Variants in ASPHD2 observed in about 807,000 individuals in gnomAD.
ASPHD2 encodes aspartate beta-hydroxylase domain containing 2.
A neutral mutation model predicts 34.6 loss-of-function variants in ASPHD2; 12 were observed. That is an observed-to-expected ratio of 0.35 (90% confidence interval 0.22 to 0.56). The LOEUF (loss-of-function observed/expected upper bound fraction) is 0.56. ASPHD2 is among the 20% of genes least tolerant of loss of function. The probability of loss-of-function intolerance (pLI) is 0.87; values close to 1 mark genes in which losing one functional copy is unlikely to be tolerated. For synonymous variants in ASPHD2, 224 were observed against 212.2 expected, an observed-to-expected ratio of 1.06 and a Z score of -0.48; for missense variants, 375 against 505.0, an observed-to-expected ratio of 0.74 and a Z score of 2.47.
chr22:26,441,119 T>C (rs1279225195), intron 2 of ASPHD2, among the ~76,000 whole-genome samples: 1 of 152,208 alleles, frequency 6.6e-6, no homozygotes, highest in Admixed American at 6.5e-5. Context: ...GCCAGCAGAT[T>C]TGGCGTCTGG....
At chr22:26,442,184 G>A (rs1162363688) in intron 2 of ASPHD2, among the ~76,000 whole-genome samples, 6 of 123,912 alleles carry the variant, frequency 4.8e-5, no homozygotes, top group African/African-American at 1.2e-4. Flanking sequence ...TGTTTTATAA[G>A]GATGCTGCTC....
At chr22:26,436,202 C>T (rs368414546) in intron 2 of ASPHD2, among the ~76,000 whole-genome samples, 4 of 152,358 alleles carry the variant, frequency 2.6e-5, no homozygotes, top group Non-Finnish European at 5.9e-5. Context: ...TTGGGCAGGG[C>T]TCTGAACCTC....
intron 2 of ASPHD2, among the ~76,000 whole-genome samples, chr22:26,439,590 T>C (rs2084823460): frequency 6.6e-6 from 1 of 152,166 alleles, no homozygotes; most frequent in Non-Finnish European, 1.5e-5. Context: ...AGTTACCCCA[T>C]CTGGAAAGTG....
In ASPHD2 at chr22:26,433,607, C is replaced by T. The variant is rs774340107; in HGVS notation, c.-9C>T. ...CCCCAGCCGCTCCTTCCCCCCCACG[C>T]TAATCTGCATGGTGTGGGCGCCCTT... is the stretch of plus-strand genomic sequence containing the variant. On this transcript the variant is annotated 5_prime_UTR_variant, in exon 2 of 4. Transcript: ENST00000215906. This position sits in a 1 kb window ranked among gnomAD's most constrained non-coding sequence, Gnocchi z 5.1. 4.3e-6 allele frequency: 7 copies of T among 1,609,456 alleles called. No individual in the cohort carries two copies. In the South Asian group the frequency reaches 5.5e-5, roughly 13 times the overall value.
At chr22:26,436,558 T>C (rs1010653867) in intron 2 of ASPHD2, among the ~76,000 whole-genome samples, 5 of 152,050 alleles carry the variant, frequency 3.3e-5, no homozygotes, top group African/African-American at 1.2e-4. Context: ...AGGCCAGTAG[T>C]GTGGGCTGAG....
chr22:26,434,075 C>G lies in ASPHD2; in HGVS notation c.460C>G (p.Arg154Gly). Reference protein sequence around the residue: ...RIHKGIREQGRYLNSRPSIQK... With the variant: ...RIHKGIREQGGYLNSRPSIQK... ...CCACAAGGGCATCCGCGAGCAGGGC[C>G]GGTACCTCAACAGCCGGCCCTCCAT... Residue 154 changes from arginine (R) to glycine (G), a missense_variant, in exon 2 of 4, where the codon CGG (arginine) becomes GGG (glycine). By Grantham distance (125) the Arg-to-Gly change is moderately radical. Coordinates refer to ENST00000215906, the MANE Select transcript of ASPHD2 (RefSeq NM_020437.5). The G allele has an allele frequency of 6.2e-7, 1 of 1,613,382 alleles. No individual in the cohort carries two copies. The highest frequency in any genetic ancestry group is 8.5e-7 in the Non-Finnish European group (1 of 1,179,884).
intron 2 of ASPHD2, among the ~76,000 whole-genome samples, chr22:26,438,510 T>TAC (rs1555883294): frequency 2.1e-5 from 2 of 96,148 alleles, no homozygotes; most frequent in Non-Finnish European, 4.3e-5. Flanking sequence ...TACATATATA[T>TAC]ACATACATAT....
At chr22:26,438,145 G>C (rs1430437583) in intron 2 of ASPHD2, among the ~76,000 whole-genome samples, 3 of 152,216 alleles carry the variant, frequency 2.0e-5, no homozygotes, top group East Asian at 1.9e-4. Flanking sequence ...CTGAAACCCC[G>C]GGGTGGCTGT....
In ASPHD2 at chr22:26,433,602, C is replaced by G; in HGVS notation, c.-14C>G. ...CCCTGCCCCAGCCGCTCCTTCCCCC[C>G]CACGCTAATCTGCATGGTGTGGGCG... On this transcript the variant is annotated 5_prime_UTR_variant, in exon 2 of 4. Coordinates refer to ENST00000215906, the MANE Select transcript of ASPHD2 (RefSeq NM_020437.5). The surrounding 1 kb of genome is among the most constrained non-coding windows in gnomAD (Gnocchi z 5.1). The G allele has an allele frequency of 2.5e-6, 4 of 1,603,732 alleles. No homozygotes were observed. Among genetic ancestry groups the G allele is most frequent in the Non-Finnish European group, 3.4e-6 (4 of 1,176,164 alleles).
Position 26,443,101 on chromosome 22 carries a change from A to G in ASPHD2, c.1005A>G (p.Ser335=). The G allele has an allele frequency of 1.9e-6, 3 of 1,613,890 alleles. No individual in the cohort carries two copies. The highest frequency in any genetic ancestry group is 2.5e-6 in the Non-Finnish European group (3 of 1,179,764). Reference sequence around the variant, plus strand: ...TCACCCCTCCTTCCCCCCCAGGTTCAGCAGAGGATGGCCCACGGGTGGTTT... The same window carrying G: ...TCACCCCTCCTTCCCCCCCAGGTTCGGCAGAGGATGGCCCACGGGTGGTTT... ...SFLHAAFHEG[S]AEDGPRVVFM... is the part of the protein sequence containing the mutation. The change falls in exon 4 of 4, where the codon TCA becomes TCG. Residue 335 remains serine, a synonymous_variant. Coordinates refer to ENST00000215906, the MANE Select transcript of ASPHD2 (RefSeq NM_020437.5).
chr22:26,441,999 C>T (rs1423431882), intron 2 of ASPHD2, among the ~76,000 whole-genome samples: 3 of 146,668 alleles, frequency 2.0e-5, no homozygotes, highest in East Asian at 2.1e-4. Flanking sequence ...CCAGCTACTC[C>T]GGAGGCTGAG....
intron 2 of ASPHD2, 79 bp downstream of exon 2, chr22:26,434,580 C>CA (rs2146128247): frequency 2.1e-6 from 3 of 1,462,200 alleles, no homozygotes; most frequent in African/African-American, 1.4e-5. Flanking sequence ...CGCGAAAGCT[C>CA]AAATGGTCAG....
At chr22:26,438,652 C>CATATATATATACACATACAT (rs1568984149) in intron 2 of ASPHD2, among the ~76,000 whole-genome samples, 12 of 122,572 alleles carry the variant, frequency 9.8e-5, no homozygotes, top group South Asian at 7.7e-4. Flanking sequence ...TATACACATA[C>CATATATATATACACATACAT]ATATATATAT....
At position 26,444,627 on chromosome 22, in the gene ASPHD2, C is replaced by G. The variant is rs186432078; in HGVS notation, c.*1421C>G. On this transcript the variant is annotated 3_prime_UTR_variant, in exon 4 of 4. Coordinates refer to ENST00000215906, the MANE Select transcript of ASPHD2 (RefSeq NM_020437.5). ...AAGCCGAGGAGTGGTTTGGAATATA[C>G]AGCTGGTCGCAGGTGCAGGTCCAGT... 1 of 152,214 alleles carries G rather than the reference C, an allele frequency of 6.6e-6. No homozygotes were observed. The highest frequency in any genetic ancestry group is 2.4e-5 in the African/African-American group (1 of 41,460). The allele number at this position is 152,214 out of a possible 1,614,324, so 9.4% of individuals were successfully genotyped here.
intron 2 of ASPHD2, among the ~76,000 whole-genome samples, chr22:26,441,965 G>A (rs1228060451): frequency 6.6e-6 from 1 of 151,330 alleles, no homozygotes; most frequent in Non-Finnish European, 1.5e-5. Flanking sequence ...GGTGGTGGGT[G>A]CCTGTAAGCT....
chr22:26,439,155 T>C (rs1210287246), intron 2 of ASPHD2, among the ~76,000 whole-genome samples: 1 of 152,158 alleles, frequency 6.6e-6, no homozygotes, highest in Non-Finnish European at 1.5e-5. Context: ...TCCCAGCACT[T>C]TGGGAGGCCG....
chr22:26,430,193 C>CT (rs2084748209), intron 1 of ASPHD2, among the ~76,000 whole-genome samples: 3 of 152,246 alleles, frequency 2.0e-5, no homozygotes, highest in Non-Finnish European at 2.9e-5. Context: ...GTGCTGCTCA[C>CT]TGGGGGGCTT....
intron 2 of ASPHD2, among the ~76,000 whole-genome samples, chr22:26,435,618 G>A (rs913760140): frequency 4.6e-5 from 7 of 152,172 alleles, no homozygotes; most frequent in Admixed American, 3.3e-4. Flanking sequence ...GGGGGCCCCC[G>A]AGCCCTCTTC....
intron 1 of ASPHD2, among the ~76,000 whole-genome samples, chr22:26,431,399 T>C (rs2084754957): frequency 7.1e-6 from 1 of 141,604 alleles, no homozygotes; most frequent in Admixed American, 7.4e-5. Flanking sequence ...TGAGAAGAAA[T>C]TGAGAATGTG....
Sources: gnomAD v4.1 joint callset for allele counts (sites outside exome capture counted in the v4.1 genomes callset) on GRCh38, gnomAD v4.1.1 for gene constraint, Gnocchi (gnomAD v3.1) non-coding constraint, MANE v1.5 for transcripts, NCBI Gene and HGNC (gene_info 2026-07-23, HGNC 2026-07-21) for gene names.